The following NUBPL variants were observed in gnomAD, a reference collection of about 807,000 sequenced individuals.
The protein encoded by NUBPL is iron-sulfur cluster transfer protein NUBPL.
In NUBPL, 31 loss-of-function variants were observed where a neutral mutation model predicts 45.7. The observed-to-expected ratio is 0.68, with a 90% CI of 0.51 to 0.92. The LOEUF (loss-of-function observed/expected upper bound fraction) is 0.92. NUBPL is among the 40% of genes least tolerant of loss of function. The pLI is 0.00. For synonymous variants in NUBPL, 144 were observed against 140.9 expected (o/e 1.02, Z -0.15); for missense variants, 401 against 398.7 (o/e 1.01, Z -0.05).
At chr14:31,665,514 G>A (rs1313257357) in intron 4 of NUBPL, among the ~76,000 whole-genome samples, 1 of 152,114 alleles carries the variant, frequency 6.6e-6, no homozygotes, top group African/African-American at 2.4e-5. Context: ...AGGTTTTTCA[G>A]TTTCCACGTA....
chr14:31,763,747 A>G (rs2038860677), intron 6 of NUBPL, among the ~76,000 whole-genome samples: 1 of 152,218 alleles, frequency 6.6e-6, no homozygotes, highest in African/African-American at 2.4e-5. Context: ...AAATACAAGA[A>G]TCTAACATTA....
At chr14:31,757,062 T>C (rs2038682846) in intron 6 of NUBPL, among the ~76,000 whole-genome samples, 1 of 152,060 alleles carries the variant, frequency 6.6e-6, no homozygotes, top group African/African-American at 2.4e-5. Context: ...CACTTGATTA[T>C]GGTGAATAAG....
chr14:31,817,413 A>C (rs1229046539), intron 7 of NUBPL, among the ~76,000 whole-genome samples: 1 of 152,146 alleles, frequency 6.6e-6, no homozygotes, highest in African/African-American at 2.4e-5. Flanking sequence ...AAAAAATGTT[A>C]AGGGCAGCCA....
At chr14:31,726,158 A>AT (rs1166034275) in intron 6 of NUBPL, among the ~76,000 whole-genome samples, 4 of 152,346 alleles carry the variant, frequency 2.6e-5, no homozygotes, top group Non-Finnish European at 5.9e-5. Flanking sequence ...TTATGTAGCA[A>AT]TTACTAATTA....
chr14:31,592,924 T>C (rs2034180268), intron 3 of NUBPL, among the ~76,000 whole-genome samples: 1 of 152,178 alleles, frequency 6.6e-6, no homozygotes, highest in Non-Finnish European at 1.5e-5. Flanking sequence ...ATCCTTACCC[T>C]CATGGGATTT....
intron 7 of NUBPL, among the ~76,000 whole-genome samples, chr14:31,809,136 T>C (rs574141095): frequency 2.6e-5 from 4 of 152,346 alleles, no homozygotes; most frequent in African/African-American, 9.6e-5. Context: ...CCTCATAAAA[T>C]GAGTTAGGGA....
chr14:31,683,376 G>A (rs1368824894), intron 6 of NUBPL, among the ~76,000 whole-genome samples: 1 of 14,022 alleles, frequency 7.1e-5, no homozygotes, highest in African/African-American at 2.6e-4. Flanking sequence ...TTTTTTTTTT[G>A]TGAGACAGGG....
intron 6 of NUBPL, among the ~76,000 whole-genome samples, chr14:31,786,134 G>A (rs538164699): frequency 1.3e-5 from 2 of 151,900 alleles, no homozygotes; most frequent in African/African-American, 4.8e-5. Context: ...TTCCAGCCTG[G>A]GTGATAGAGC....
chr14:31,581,448 A>G (rs1177165074), intron 3 of NUBPL, among the ~76,000 whole-genome samples: 1 of 152,062 alleles, frequency 6.6e-6, no homozygotes, highest in Non-Finnish European at 1.5e-5. Flanking sequence ...CATGAATTTG[A>G]CTGTTCCAAC....
chr14:31,774,166 C>A (rs1490483364), intron 6 of NUBPL, among the ~76,000 whole-genome samples: 3 of 152,120 alleles, frequency 2.0e-5, no homozygotes, highest in African/African-American at 7.3e-5. Context: ...GCTGAGTTTA[C>A]ACCACTGCTG....
chr14:31,604,434 T>C (rs1034617610), intron 4 of NUBPL, among the ~76,000 whole-genome samples: 4 of 152,188 alleles, frequency 2.6e-5, no homozygotes, highest in Non-Finnish European at 5.9e-5. Flanking sequence ...ATTACCTAAT[T>C]AACAATAAAG....
intron 4 of NUBPL, among the ~76,000 whole-genome samples, chr14:31,637,882 T>G (rs886878027): frequency 2.4e-4 from 36 of 152,328 alleles, no homozygotes; most frequent in Admixed American, 4.6e-4. Context: ...TGGTTTAAAG[T>G]CTGTTTTATC....
intron 6 of NUBPL, among the ~76,000 whole-genome samples, chr14:31,756,502 G>A (rs1344017225): frequency 6.6e-6 from 1 of 151,974 alleles, no homozygotes; most frequent in Non-Finnish European, 1.5e-5. Flanking sequence ...CTCTCTGTTT[G>A]TCTGTTATTG....
At chr14:31,765,934 T>C (rs1249669856) in intron 6 of NUBPL, among the ~76,000 whole-genome samples, 1 of 152,188 alleles carries the variant, frequency 6.6e-6, no homozygotes, top group African/African-American at 2.4e-5. Context: ...ATCTTACAGC[T>C]TTAGTTTTAA....
intron 4 of NUBPL, among the ~76,000 whole-genome samples, chr14:31,639,880 G>A (rs544825106): frequency 1.3e-5 from 2 of 152,060 alleles, no homozygotes; most frequent in African/African-American, 4.8e-5. Flanking sequence ...CATAGGATGG[G>A]ATTATATCCA....
chr14:31,647,517 T>C (rs1276217796), intron 4 of NUBPL, among the ~76,000 whole-genome samples: 1 of 152,236 alleles, frequency 6.6e-6, no homozygotes, highest in African/African-American at 2.4e-5. Flanking sequence ...TGGAATATTC[T>C]GGCAATGTTG....
intron 10 of NUBPL, among the ~76,000 whole-genome samples, chr14:31,855,626 T>G (rs35731480): frequency 1.8e-5 from 2 of 113,972 alleles, no homozygotes; most frequent in Admixed American, 1.6e-4. Context: ...TTTTAGAGTT[T>G]TTTTTTTTTT....
At chr14:31,813,277 G>A (rs547195124) in intron 7 of NUBPL, among the ~76,000 whole-genome samples, 1 of 152,044 alleles carries the variant, frequency 6.6e-6, no homozygotes, top group East Asian at 1.9e-4. Flanking sequence ...GTGAGCCACC[G>A]TGCCCAGCCA....
intron 4 of NUBPL, among the ~76,000 whole-genome samples, chr14:31,651,898 CAA>C (rs528694961): frequency 6.3e-4 from 58 of 91,378 alleles, no homozygotes; most frequent in African/African-American, 1.3e-3. Context: ...GACTCTGTCT[CAA>C]AAAAAAAAAA....
Sources: allele counts gnomAD v4.1 joint callset (sites outside exome capture counted in the v4.1 genomes callset), GRCh38; gene constraint gnomAD v4.1.1; transcripts MANE v1.5; gene names NCBI Gene and HGNC (gene_info 2026-07-23, HGNC 2026-07-21).